The following SH3GLB2 variants were observed in gnomAD, a reference collection of about 807,000 sequenced individuals.
The protein encoded by SH3GLB2 is endophilin-B2.
In SH3GLB2, 24 loss-of-function variants were observed where a neutral mutation model predicts 48.0. The ratio of observed to expected loss-of-function variants is 0.50; its 90% CI spans 0.36 to 0.70. SH3GLB2 has a LOEUF of 0.70. SH3GLB2 is among the 30% of genes least tolerant of loss of function. The probability of loss-of-function intolerance (pLI) is 0.00; values close to 1 mark genes in which losing one functional copy is unlikely to be tolerated. For missense variants in SH3GLB2, 425 were observed against 516.0 expected (o/e 0.82, Z 1.71); for synonymous variants, 227 against 207.6 (o/e 1.09, Z -0.80).
chr9:129,028,241 C>T lies in SH3GLB2; in HGVS notation c.-87G>A, dbSNP rs2131316571. On this transcript the variant is annotated 5_prime_UTR_variant, in exon 1 of 11. Coordinates refer to ENST00000372564, the MANE Select transcript of SH3GLB2 (RefSeq NM_020145.4). ...CCGCCGCCAACCGCACCCCGCCCACCTGCTGCGGGGCACCAGCCCTCCGCG... is the reference window on the plus strand; with the variant it reads ...CCGCCGCCAACCGCACCCCGCCCACTTGCTGCGGGGCACCAGCCCTCCGCG... 1.1e-6 allele frequency: 1 copy of T among 913,528 alleles called. No individual in the cohort carries two copies. The highest frequency in any genetic ancestry group is 5.0e-5 in the South Asian group (1 of 20,118). The allele number at this position is 913,528 out of a possible 1,614,324, so 56.6% of individuals were successfully genotyped here.
intron 3 of SH3GLB2, chr9:129,015,765 C>A: frequency 4.2e-6 from 1 of 240,906 alleles, no homozygotes; most frequent in Non-Finnish European, 8.7e-6. Flanking sequence ...TCTGGGAGGC[C>A]CAGGCGGAAG....
chr9:129,023,181 G>A (rs1367050980), intron 1 of SH3GLB2, among the ~76,000 whole-genome samples: 1 of 152,192 alleles, frequency 6.6e-6, no homozygotes, highest in Admixed American at 6.5e-5. Flanking sequence ...GGGGAATGCA[G>A]GGAGGGAGGA....
Position 129,008,494 on chromosome 9 carries a change from C to A in SH3GLB2, c.*190G>T. 1 of 558,634 alleles carries A rather than the reference C, an allele frequency of 1.8e-6. No individual in the cohort carries two copies. Among genetic ancestry groups the A allele is most frequent in the South Asian group, 1.9e-5 (1 of 52,560 alleles). 34.6% of individuals were successfully genotyped at this position (558,634 alleles called of 1,614,324 possible). A position where few individuals can be genotyped will look rare whatever the true frequency, so the allele number is the denominator to read the frequency against. The stretch of plus-strand genomic sequence containing the variant: ...GGGCTCCAGAGCCACAGGTCAGAAG[C>A]AGGGCTGGGGGAGGGGTGGAGCCAT... On this transcript the variant is annotated 3_prime_UTR_variant, in exon 11 of 11. Transcript: ENST00000372564.
intron 5 of SH3GLB2, chr9:129,013,590 G>A (rs976689980): frequency 5.8e-6 from 1 of 172,952 alleles, no homozygotes; most frequent in African/African-American, 2.4e-5. Flanking sequence ...TGCTGGCTCT[G>A]GGGCCACACT....
chr9:129,012,384 C>T, intron 5 of SH3GLB2, 86 bp from the exon 6 acceptor site: 1 of 850,454 alleles, frequency 1.2e-6, no homozygotes, highest in Non-Finnish European at 1.6e-6. Context: ...CAGAGTCTTG[C>T]ACAAGGAGAT....
At chr9:129,023,588 G>C (rs975175793) in intron 1 of SH3GLB2, among the ~76,000 whole-genome samples, 5 of 152,158 alleles carry the variant, frequency 3.3e-5, no homozygotes, top group African/African-American at 1.2e-4. Flanking sequence ...CCATTTCACA[G>C]ATGCTGCCAC....
intron 3 of SH3GLB2, among the ~76,000 whole-genome samples, chr9:129,019,971 T>TGA (rs1554834569): frequency 2.8e-5 from 4 of 144,978 alleles, no homozygotes; most frequent in Admixed American, 6.9e-5. Context: ...TGGGAGGCCA[T>TGA]GGCGGGCAGA....
In SH3GLB2 at chr9:129,009,314, G is replaced by T. The variant is rs1196922873; in HGVS notation, c.872C>A (p.Pro291His). The change falls in exon 10 of 11, where the codon CCC (proline) becomes CAC (histidine). Residue 291 changes from proline to histidine, a missense_variant. Pro to His is a moderately conservative substitution (Grantham distance 77, BLOSUM62 -2). Coordinates refer to ENST00000372564, the MANE Select transcript of SH3GLB2 (RefSeq NM_020145.4). ...FPGTFVGTTE[P>H]ASPPLSSTSP... The stretch of plus-strand genomic sequence containing the variant: ...GGTGCTGCTCAGGGGTGGGGAGGCG[G>T]GCTCTGTGGTGCCCACGAAGGTGCC... 2 of 1,544,836 alleles carry T rather than the reference G, an allele frequency of 1.3e-6. No individual in the cohort carries two copies. Among genetic ancestry groups the T allele is most frequent in the Non-Finnish European group, 1.8e-6 (2 of 1,142,806 alleles).
rs897232300 is a variant in SH3GLB2, at chr9:129,012,894, G to A, written c.562-596C>T. The A allele has an allele frequency of 6.9e-5, 93 of 1,352,672 alleles. No homozygotes were observed. In the Middle Eastern group the frequency reaches 9.1e-4, roughly 13 times the overall value. The allele number at this position is 1,352,672 out of a possible 1,614,324, so 83.8% of individuals were successfully genotyped here. On this transcript the variant is annotated intron_variant, in intron 5 of 10. Transcript: ENST00000372564. ...CCTGCACAGTAGAGGCTCTGGCGGG[G>A]AGACCAGCTGCTTGCAAAATGCCCC...
chr9:129,010,119 C>T lies in SH3GLB2; in HGVS notation c.738+1G>A, dbSNP rs776997626. The T allele has an allele frequency of 3.7e-6, 6 of 1,613,478 alleles. No homozygotes were observed. The Middle Eastern group carries it at 5.0e-4, about 133-fold the overall frequency. The stretch of plus-strand genomic sequence containing the variant: ...TAGTGAGGGTGGGCAGTGGGACTCA[C>T]GTGAGTGCTACTGATTCCCTCCAGC... On this transcript the variant is annotated splice_donor_variant, in intron 8 of 10. Coordinates refer to ENST00000372564, the MANE Select transcript of SH3GLB2 (RefSeq NM_020145.4). LOFTEE classifies it high-confidence loss of function.
intron 3 of SH3GLB2, chr9:129,015,802 C>A (rs899189099): frequency 1.2e-5 from 4 of 321,848 alleles, no homozygotes; most frequent in African/African-American, 6.6e-5. Flanking sequence ...GAGTTTGAGG[C>A]TATAGTAGTA....
intron 10 of SH3GLB2, 70 bp from the exon 11 acceptor site, chr9:129,008,861 G>T: frequency 6.9e-7 from 1 of 1,456,574 alleles, no homozygotes; most frequent in South Asian, 1.2e-5. Flanking sequence ...ACTAAGTGGG[G>T]ACAGAGCTGC....
At chr9:129,019,508 C>A (rs1179165040) in intron 3 of SH3GLB2, among the ~76,000 whole-genome samples, 1 of 151,686 alleles carries the variant, frequency 6.6e-6, no homozygotes, top group Non-Finnish European at 1.5e-5. Context: ...GAGATCGAGA[C>A]CTGCCTGGAT....
chr9:129,018,823 A>C (rs1588327421), intron 3 of SH3GLB2, among the ~76,000 whole-genome samples: 1 of 147,818 alleles, frequency 6.8e-6, no homozygotes, highest in South Asian at 2.1e-4. Flanking sequence ...ACCCGGGAGG[A>C]GGAGCTTGCA....
rs1217424823 is a variant in SH3GLB2 at position 129,014,170 on chromosome 9, C to G, written c.561+241G>C. ...CTGCCTGGCGGGGTGGTGCACCCAG[C>G]TGGGGGCACTGCTGGTCCGCCCACA... On this transcript the variant is annotated intron_variant, in intron 5 of 10. Coordinates refer to ENST00000372564, the MANE Select transcript of SH3GLB2 (RefSeq NM_020145.4). The surrounding 1 kb of genome is among the most constrained non-coding windows in gnomAD (Gnocchi z 4.1). 1.4e-5 allele frequency: 9 copies of G among 623,328 alleles called. No individual in the cohort carries two copies. Among genetic ancestry groups the G allele is most frequent in the Non-Finnish European group, 2.3e-5 (8 of 340,880 alleles). 38.6% of individuals were successfully genotyped at this position (623,328 alleles called of 1,614,324 possible).
chr9:129,009,522 C>G, intron 9 of SH3GLB2, 176 bp from the exon 10 acceptor site: 1 of 1,548,178 alleles, frequency 6.5e-7, no homozygotes, highest in Non-Finnish European at 8.7e-7. Flanking sequence ...GCCCCACCCC[C>G]TGGTCCCTGC....
chr9:129,007,988 C>T lies in SH3GLB2; in HGVS notation c.*696G>A, dbSNP rs1842858857. 1 of 152,414 alleles carries T rather than the reference C, an allele frequency of 6.6e-6. No individual in the cohort carries two copies. Among genetic ancestry groups the T allele is most frequent in the African/African-American group, 2.4e-5 (1 of 41,446 alleles). 9.4% of individuals were successfully genotyped at this position (152,414 alleles called of 1,614,324 possible). A position where few individuals can be genotyped will look rare whatever the true frequency, so the allele number is the denominator to read the frequency against. On this transcript the variant is annotated 3_prime_UTR_variant, in exon 11 of 11. Coordinates refer to ENST00000372564, the MANE Select transcript of SH3GLB2 (RefSeq NM_020145.4). ...AGAGTGGGGCAGAGGGTGAGTCTAC[C>T]TTTCCCTTTACCACCCTCAGGGCCA...
Position 129,014,820 on chromosome 9 carries a change from A to C in SH3GLB2, c.419T>G (p.Phe140Cys). The C allele has an allele frequency of 1.2e-6, 2 of 1,613,632 alleles. No individual in the cohort carries two copies. The highest frequency in any genetic ancestry group is 1.7e-6 in the Non-Finnish European group (2 of 1,179,948). ...RDFIHTASIS[F>C]LTPLRNFLEG... Reference sequence around the variant, plus strand: ...CAGGAAGTTGCGCAAGGGTGTGAGGAAGCTGATGGAGGCCGTGTGGATAAA... The same window carrying C: ...CAGGAAGTTGCGCAAGGGTGTGAGGCAGCTGATGGAGGCCGTGTGGATAAA... The change falls in exon 4 of 11, where the codon TTC (phenylalanine) becomes TGC (cysteine). Residue 140 changes from phenylalanine (F) to cysteine (C), a missense_variant. By Grantham distance (205) the Phe-to-Cys change is radical. Coordinates refer to ENST00000372564, the MANE Select transcript of SH3GLB2 (RefSeq NM_020145.4). This position sits in a 1 kb window ranked among gnomAD's most constrained non-coding sequence, Gnocchi z 4.1.
rs752676035 is a variant in SH3GLB2, at chr9:129,022,273, C to G, written c.205+9G>C. On this transcript the variant is annotated intron_variant, in intron 2 of 10. Transcript: ENST00000372564. ...ACATCCCTCCCCGGGCCCACGAACA[C>G]GCACTCACTGGGGTTGGGCTGCAGC... 1.2e-6 allele frequency: 2 copies of G among 1,613,016 alleles called. No homozygotes were observed. The highest frequency in any genetic ancestry group is 8.5e-7 in the Non-Finnish European group (1 of 1,179,824).
Sources: allele counts gnomAD v4.1 joint callset (sites outside exome capture counted in the v4.1 genomes callset), GRCh38; gene constraint gnomAD v4.1.1; non-coding constraint Gnocchi (gnomAD v3.1); transcripts MANE v1.5; gene names NCBI Gene and HGNC (gene_info 2026-07-23, HGNC 2026-07-21).